THADA: variants seen among roughly 807,000 people sequenced by gnomAD.
The protein encoded by THADA is THADA armadillo repeat containing, also known as tRNA (32-2'-O)-methyltransferase regulator THADA.
Under a neutral mutation model 219.8 loss-of-function variants are expected in THADA, and 213 were observed. That is an observed-to-expected ratio of 0.97 (90% CI 0.87 to 1.09). The LOEUF (loss-of-function observed/expected upper bound fraction) is 1.09, where lower values mean the gene tolerates loss of function less well. THADA is among the 50% of genes least tolerant of loss of function. The pLI is 0.00. For missense variants in THADA, 2,956 were observed against 2,311.3 expected (o/e 1.28, Z -5.72); for synonymous variants, 1,018 against 828.9 (o/e 1.23, Z -3.92).
Position 43,230,854 on chromosome 2 carries a change from G to T in THADA, c.*94C>A. On this transcript the variant is annotated 3_prime_UTR_variant, in exon 38 of 38. Transcript: ENST00000405975. The stretch of plus-strand genomic sequence containing the variant: ...ACAGAAGTAGGGGAGGCATGAATGG[G>T]ATAAAATTTTTGAATTTATGTTCAA... The T allele has an allele frequency of 7.1e-7, 1 of 1,401,482 alleles. No individual in the cohort carries two copies. Among genetic ancestry groups the T allele is most frequent in the Non-Finnish European group, 9.6e-7 (1 of 1,043,950 alleles). The allele number at this position is 1,401,482 out of a possible 1,614,324, so 86.8% of individuals were successfully genotyped here.
At chr2:43,577,913 T>C (rs1391094736) in intron 9 of THADA, among the ~76,000 whole-genome samples, 2 of 152,132 alleles carry the variant, frequency 1.3e-5, no homozygotes, top group African/African-American at 4.8e-5. Flanking sequence ...TTTAAGATAC[T>C]AATGAGAGAT....
chr2:43,241,820 C>T (rs1374966326), intron 36 of THADA, among the ~76,000 whole-genome samples: 1 of 152,100 alleles, frequency 6.6e-6, no homozygotes, highest in African/African-American at 2.4e-5. Flanking sequence ...TCTCTGTGGA[C>T]ATGTGAGTTG....
chr2:43,541,441 A>G, intron 20 of THADA, 125 bp from the exon 21 acceptor site: 1 of 1,058,758 alleles, frequency 9.4e-7, no homozygotes, highest in Non-Finnish European at 1.4e-6. Flanking sequence ...GTCATGTTAT[A>G]TTTACTCAGA....
At chr2:43,580,026 T>TTTTC (rs929331638) in intron 8 of THADA, among the ~76,000 whole-genome samples, 2 of 144,510 alleles carry the variant, frequency 1.4e-5, no homozygotes, top group African/African-American at 5.1e-5. Context: ...AGCTACTTCT[T>TTTTC]TTTTTTTTTT....
intron 22 of THADA, among the ~76,000 whole-genome samples, chr2:43,512,967 A>G (rs1690685634): frequency 6.6e-6 from 1 of 152,206 alleles, no homozygotes; most frequent in Non-Finnish European, 1.5e-5. Flanking sequence ...TATTTTTCCC[A>G]ACTAACAGAT....
At chr2:43,543,795 C>A (rs550092134) in intron 20 of THADA, among the ~76,000 whole-genome samples, 3 of 151,898 alleles carry the variant, frequency 2.0e-5, no homozygotes, top group Non-Finnish European at 2.9e-5. Context: ...GAGTAGGTTG[C>A]GAAAATTTTC....
At chr2:43,384,072 G>A (rs997161607) in intron 29 of THADA, among the ~76,000 whole-genome samples, 7 of 152,132 alleles carry the variant, frequency 4.6e-5, no homozygotes, top group African/African-American at 1.7e-4. Context: ...TCAGTGCAGT[G>A]ATAGTAAGAG....
intron 30 of THADA, among the ~76,000 whole-genome samples, chr2:43,339,426 G>A (rs905376358): frequency 6.6e-5 from 10 of 152,108 alleles, no homozygotes; most frequent in African/African-American, 1.7e-4. Context: ...GACTACAGGC[G>A]TGTGCCACCA....
At chr2:43,342,931 C>T (rs956644537) in intron 30 of THADA, 1 of 152,016 alleles carries the variant, frequency 6.6e-6, no homozygotes, top group Non-Finnish European at 1.5e-5. Flanking sequence ...CAAAAGCACA[C>T]TTTTTGAAAA....
At chr2:43,407,411 A>G (rs1027677924) in intron 28 of THADA, among the ~76,000 whole-genome samples, 1 of 152,214 alleles carries the variant, frequency 6.6e-6, no homozygotes, top group Non-Finnish European at 1.5e-5. Flanking sequence ...AACCTATGAT[A>G]GCTCTCTATT....
chr2:43,518,324 G>A (rs2103665915), intron 22 of THADA, among the ~76,000 whole-genome samples: 1 of 152,286 alleles, frequency 6.6e-6, no homozygotes, highest in Middle Eastern at 3.4e-3. Context: ...GTTTTCCAAT[G>A]AGAAGTGCCA....
At chr2:43,438,296 T>C (rs763689989) in intron 26 of THADA, among the ~76,000 whole-genome samples, 1 of 91,144 alleles carries the variant, frequency 1.1e-5, no homozygotes, top group Admixed American at 1.5e-4. Context: ...AGCGACTCCA[T>C]CTCAAAAAAA....
chr2:43,265,620 A>C (rs1671427884), intron 36 of THADA, among the ~76,000 whole-genome samples: 1 of 152,194 alleles, frequency 6.6e-6, no homozygotes, highest in Non-Finnish European at 1.5e-5. Context: ...ATCTCTAACA[A>C]GGGCCGGGCA....
chr2:43,295,637 A>C (rs1675281943), intron 31 of THADA, among the ~76,000 whole-genome samples: 1 of 152,240 alleles, frequency 6.6e-6, no homozygotes, highest in South Asian at 2.1e-4. Flanking sequence ...CACCGTTTAT[A>C]TTTATCATCT....
intron 29 of THADA, among the ~76,000 whole-genome samples, chr2:43,355,464 C>T (rs1416545440): frequency 3.6e-4 from 55 of 152,232 alleles, no homozygotes; most frequent in African/African-American, 1.3e-3. Context: ...GCCTTTTCAA[C>T]TTGTTTATTG....
At chr2:43,591,814 G>GAAA in intron 3 of THADA, 138 bp downstream of exon 3, 2 of 421,224 alleles carry the variant, frequency 4.7e-6, no homozygotes, top group South Asian at 5.4e-5. Context: ...ACAATAAACA[G>GAAA]AAAAAAAAAA....
chr2:43,494,290 G>C (rs1236515462), intron 25 of THADA, among the ~76,000 whole-genome samples: 1 of 152,146 alleles, frequency 6.6e-6, no homozygotes, highest in Non-Finnish European at 1.5e-5. Context: ...CAAGGTTAAG[G>C]TTCCCTTGGT....
chr2:43,502,950 C>G (rs1044928246), intron 24 of THADA, among the ~76,000 whole-genome samples: 19 of 151,874 alleles, frequency 1.3e-4, no homozygotes, highest in African/African-American at 4.6e-4. Flanking sequence ...ATATATAAAC[C>G]AAAAGGCTAA....
In THADA at chr2:43,287,035, C is replaced by T. The variant is rs1674113178; in HGVS notation, c.5037G>A (p.Leu1679=). The change falls in exon 35 of 38, where the codon CTG becomes CTA. Residue 1679 remains leucine, a synonymous_variant. Transcript: ENST00000405975. ...AGATGACCAGCTGAACCCACTGCTT[C>T]AGCTCAGCAGCTATCAATTCCCTGT... The part of the protein sequence containing the change: ...VENRELIAAE[L]KQWVQLVILS... The T allele has an allele frequency of 6.2e-7, 1 of 1,613,570 alleles. No individual in the cohort carries two copies. The highest frequency in any genetic ancestry group is 8.5e-7 in the Non-Finnish European group (1 of 1,179,596).
Sources: gnomAD v4.1 joint callset for allele counts (sites outside exome capture counted in the v4.1 genomes callset) on GRCh38, gnomAD v4.1.1 for gene constraint, MANE v1.5 for transcripts, NCBI Gene and HGNC (gene_info 2026-07-23, HGNC 2026-07-21) for gene names.